USP45: variants seen among roughly 807,000 people sequenced by gnomAD.
USP45 encodes the protein ubiquitin carboxyl-terminal hydrolase 45.
A neutral mutation model predicts 95.8 loss-of-function variants in USP45; 89 were observed. That is an observed-to-expected ratio of 0.93 (90% confidence interval 0.78 to 1.11). The LOEUF (loss-of-function observed/expected upper bound fraction) is 1.11. Among genes scored for constraint, USP45 ranks in the 50% least tolerant of loss-of-function variants. USP45 has a pLI of 0.00. For synonymous variants in USP45, 281 were observed against 316.2 expected (o/e 0.89, Z 1.18); for missense variants, 898 against 942.5 (o/e 0.95, Z 0.62).
chr6:99,456,993 G>A (rs370186461), intron 13 of USP45, among the ~76,000 whole-genome samples: 3 of 152,194 alleles, frequency 2.0e-5, no homozygotes, highest in African/African-American at 7.2e-5. Flanking sequence ...GGGCGTAGCC[G>A]TCTCTTATGG....
chr6:99,498,138 CTAGAAG>C (rs1343895617), intron 5 of USP45, among the ~76,000 whole-genome samples: 1 of 152,164 alleles, frequency 6.6e-6, no homozygotes, highest in Admixed American at 6.5e-5. Flanking sequence ...ATGACAGGAA[CTAGAAG>C]TAGATCTGTC....
chr6:99,437,259 C>CT lies in USP45; in HGVS notation c.2300dup (p.Lys768GlufsTer10), dbSNP rs778052359. The CT allele has an allele frequency of 6.2e-7, 1 of 1,603,046 alleles. No individual in the cohort carries two copies. Among genetic ancestry groups the CT allele is most frequent in the South Asian group, 1.1e-5 (1 of 88,168 alleles). On this transcript the variant is annotated frameshift_variant, in exon 17 of 18. Transcript: ENST00000500704. LOFTEE classifies it high-confidence loss of function. ...AGGATGGCATACCAGGCACATTTTT[C>CT]TTTTTAGTGTTATGTTCCGATAATT...
intron 5 of USP45, among the ~76,000 whole-genome samples, chr6:99,493,265 A>G (rs1795585283): frequency 6.6e-6 from 1 of 152,112 alleles, no homozygotes; most frequent in Non-Finnish European, 1.5e-5. Context: ...ACTTCAGGTG[A>G]TCCACCCTCC....
chr6:99,443,806 C>T (rs1582972901), intron 14 of USP45, 144 bp from the exon 15 acceptor site: 1 of 546,542 alleles, frequency 1.8e-6, no homozygotes, highest in East Asian at 3.2e-5. Context: ...AGTCTTTACT[C>T]CTTCCTAAAA....
At chr6:99,508,536 A>G (rs1799036059) in intron 3 of USP45, 74 bp downstream of exon 3, 6 of 1,422,146 alleles carry the variant, frequency 4.2e-6, no homozygotes, top group Non-Finnish European at 4.7e-6. Flanking sequence ...ATGCATGACC[A>G]ACAGTCCAAC....
At chr6:99,511,879 A>ATATATATC (rs1799956721) in intron 1 of USP45, among the ~76,000 whole-genome samples, 1 of 138,794 alleles carries the variant, frequency 7.2e-6, no homozygotes, top group Non-Finnish European at 1.6e-5. Context: ...ATATATATAT[A>ATATATATC]TATATATACA....
At position 99,466,700 on chromosome 6, in the gene USP45, C is replaced by G. The variant is rs766925415; in HGVS notation, c.1079G>C (p.Ser360Thr). Residue 360 changes from serine to threonine, a missense_variant, in exon 11 of 18, where the codon AGC (serine) becomes ACC (threonine). Ser to Thr is a moderately conservative substitution (Grantham distance 58, BLOSUM62 1). Coordinates refer to ENST00000500704, the MANE Select transcript of USP45 (RefSeq NM_001346022.3). Reference sequence around the variant, plus strand: ...TGCACATTCTTCACACATGACCGTGCTAGTTAATTCACCAATAAAGATCCG... The same window carrying G: ...TGCACATTCTTCACACATGACCGTGGTAGTTAATTCACCAATAAAGATCCG... ...IDRIFIGELTSTVMCEECANI... is the reference protein window; with the variant it reads ...IDRIFIGELTTTVMCEECANI... 9 of 1,613,308 alleles carry G rather than the reference C, an allele frequency of 5.6e-6. No homozygotes were observed. The South Asian group carries it at 6.6e-5, about 12-fold the overall frequency.
chr6:99,454,457 G>A (rs530361146), intron 13 of USP45, among the ~76,000 whole-genome samples: 21 of 152,254 alleles, frequency 1.4e-4, no homozygotes, highest in Non-Finnish European at 2.1e-4. Flanking sequence ...GGACTACACT[G>A]TAAAAAGCTT....
At chr6:99,444,367 A>G (rs1451618915) in intron 14 of USP45, among the ~76,000 whole-genome samples, 1 of 152,146 alleles carries the variant, frequency 6.6e-6, no homozygotes, top group Non-Finnish European at 1.5e-5. Context: ...TGCCAATTGC[A>G]TATAGGTATT....
At position 99,465,519 on chromosome 6, in the gene USP45, GC is replaced by G. The variant is rs571370206; in HGVS notation, c.1108-384del. The stretch of plus-strand genomic sequence containing the variant: ...GCCATGAAAAAAAGCAGAGAGCTTG[GC>G]TGTGTTTTATAGATTCTTTAAGATA... On this transcript the variant is annotated intron_variant, in intron 11 of 17. Transcript: ENST00000500704. Among the ~76,000 whole-genome samples, 3 of 152,246 alleles carry G rather than the reference GC, an allele frequency of 2.0e-5. No individual in the cohort carries two copies. The East Asian group carries it at 5.8e-4, about 29-fold the overall frequency.
intron 4 of USP45, 53 bp downstream of exon 4, chr6:99,507,375 A>AG: frequency 8.7e-7 from 1 of 1,155,026 alleles, no homozygotes; most frequent in Non-Finnish European, 1.2e-6. Context: ...AAGAAAAAAA[A>AG]AAATTGGGGG....
In USP45 at chr6:99,494,621, G is replaced by A. The variant is rs1355721186; in HGVS notation, c.479-5801C>T. Among the ~76,000 whole-genome samples, 6 of 152,160 alleles carry A rather than the reference G, an allele frequency of 3.9e-5. 1 individual carries two copies. Among genetic ancestry groups the A allele is most frequent in the Admixed American group, 3.9e-4 (6 of 15,274 alleles). On this transcript the variant is annotated intron_variant, in intron 5 of 17. Transcript: ENST00000500704. ...TTAAAAACTGAGTTCAAGGCTGGGTGTGATGGCTCATGCCTGTAATCCCAG... is the reference window on the plus strand; with the variant it reads ...TTAAAAACTGAGTTCAAGGCTGGGTATGATGGCTCATGCCTGTAATCCCAG...
intron 5 of USP45, among the ~76,000 whole-genome samples, chr6:99,500,669 C>T (rs1797183694): frequency 6.6e-6 from 1 of 152,134 alleles, no homozygotes; most frequent in African/African-American, 2.4e-5. Context: ...GCTCATTTTT[C>T]AGCAGACAGA....
intron 13 of USP45, chr6:99,460,699 TAATAGA>T: frequency 1.3e-6 from 1 of 787,284 alleles, no homozygotes; most frequent in Non-Finnish European, 1.5e-6. Flanking sequence ...ATTGGTAAAA[TAATAGA>T]AAGATTGAAA....
rs1467105427 is a variant in USP45, at chr6:99,446,357, A to G, written c.1415T>C (p.Phe472Ser). The G allele has an allele frequency of 1.2e-6, 2 of 1,614,238 alleles. No homozygotes were observed. The highest frequency in any genetic ancestry group is 2.7e-5 in the African/African-American group (2 of 75,072). Residue 472 changes from phenylalanine to serine, a missense_variant, in exon 14 of 18, where the codon TTT (phenylalanine) becomes TCT (serine). Physicochemically the swap from Phe to Ser is radical, Grantham distance 155 (BLOSUM62 -2). Coordinates refer to ENST00000500704, the MANE Select transcript of USP45 (RefSeq NM_001346022.3). ...NLEMNGDSLMFASLMNSESRL... is the reference protein window; with the variant it reads ...NLEMNGDSLMSASLMNSESRL... ...TGACTCAGAATTCATGAGGCTGGCA[A>G]ACATTAAAGAATCCCCATTCATTTC... is the stretch of plus-strand genomic sequence containing the variant.
At chr6:99,474,021 A>G (rs533342596) in intron 9 of USP45, among the ~76,000 whole-genome samples, 1 of 152,330 alleles carries the variant, frequency 6.6e-6, no homozygotes, top group African/African-American at 2.4e-5. Flanking sequence ...AAGAAAGTCA[A>G]TAAACAGACA....
At chr6:99,455,096 A>AAAC (rs1554230479) in intron 13 of USP45, among the ~76,000 whole-genome samples, 16 of 150,948 alleles carry the variant, frequency 1.1e-4, no homozygotes, top group Middle Eastern at 3.4e-3. Context: ...TCTCAAAAAA[A>AAAC]AAAAAACAAA....
Position 99,488,899 on chromosome 6 carries a change from A to C in USP45, c.479-79T>G, listed in dbSNP as rs1374014030. The C allele has an allele frequency of 6.4e-6, 7 of 1,099,328 alleles. No homozygotes were observed. In the African/African-American group the frequency reaches 1.1e-4, roughly 18 times the overall value. 68.1% of individuals were successfully genotyped at this position (1,099,328 alleles called of 1,614,324 possible). The stretch of plus-strand genomic sequence containing the variant: ...TTAACATAATTTATATACATTATTT[A>C]AAATTAAATTTAAATAAGATTATCT... On this transcript the variant is annotated intron_variant, in intron 5 of 17. Transcript: ENST00000500704.
intron 15 of USP45, 69 bp from the exon 16 acceptor site, chr6:99,439,924 C>T: frequency 3.2e-6 from 4 of 1,256,350 alleles, no homozygotes; most frequent in South Asian, 1.5e-5. Context: ...TTAACTAAAA[C>T]CAAAAGAGAA....
Sources: gnomAD v4.1 joint callset for allele counts (sites outside exome capture counted in the v4.1 genomes callset) on GRCh38, gnomAD v4.1.1 for gene constraint, MANE v1.5 for transcripts, NCBI Gene and HGNC (gene_info 2026-07-23, HGNC 2026-07-21) for gene names.